Variants in LUC7L observed in about 807,000 individuals in gnomAD.
LUC7L encodes putative RNA-binding protein Luc7-like 1.
A neutral mutation model predicts 51.1 loss-of-function variants in LUC7L; 29 were observed. The ratio of observed to expected loss-of-function variants is 0.57; its 90% CI spans 0.42 to 0.77. LUC7L has a LOEUF of 0.77. LUC7L is among the 30% of genes least tolerant of loss of function. The pLI is 0.00. For missense variants in LUC7L, 403 were observed against 511.9 expected, an observed-to-expected ratio of 0.79 and a Z score of 2.05; for synonymous variants, 181 against 180.7, an observed-to-expected ratio of 1.00 and a Z score of -0.01.
chr16:229,066 C>A, intron 1 of LUC7L: 1 of 1,417,622 alleles, frequency 7.1e-7, no homozygotes, highest in Non-Finnish European at 9.2e-7. Flanking sequence ...ATGGCGCAGA[C>A]TCCGAGAGAG....
intron 6 of LUC7L, among the ~76,000 whole-genome samples, chr16:197,765 C>G (rs1050691780): frequency 6.6e-6 from 1 of 152,248 alleles, no homozygotes; most frequent in Admixed American, 6.5e-5. Flanking sequence ...ACAAAAGGCC[C>G]TCAGCCGTGG....
chr16:192,645 G>A (rs902491688), intron 7 of LUC7L, among the ~76,000 whole-genome samples: 1 of 151,746 alleles, frequency 6.6e-6, no homozygotes, highest in African/African-American at 2.4e-5. Context: ...TAGGATTACA[G>A]GCTCATGCCA....
intron 1 of LUC7L, chr16:228,482 A>T: frequency 1.1e-5 from 14 of 1,247,044 alleles, no homozygotes; most frequent in Non-Finnish European, 1.5e-5. Flanking sequence ...AAAGCAACTC[A>T]ATATACAAAG....
At chr16:199,948 C>A (rs1427839132) in intron 5 of LUC7L, among the ~76,000 whole-genome samples, 2 of 151,270 alleles carry the variant, frequency 1.3e-5, no homozygotes, top group Non-Finnish European at 2.9e-5. Flanking sequence ...CAAAACCGTG[C>A]CACTGCATTC....
chr16:220,650 T>C lies in LUC7L; in HGVS notation c.254A>G (p.Asp85Gly), dbSNP rs1211370224. The change falls in exon 3 of 10, where the codon GAT (aspartate) becomes GGT (glycine). Residue 85 changes from aspartate (D) to glycine (G), a missense_variant and splice_region_variant. By Grantham distance (94) the Asp-to-Gly change is moderately conservative. This residue lies in a region of LUC7L where 182 missense variants were observed against 248.4 expected (regional missense o/e 0.73). Transcript: ENST00000293872. ...SKERDLFFEL[D>G]AMDHLESFIA... Reference sequence around the variant, plus strand: ...AAATCAACATTAAATAAAACTTACATCTAATTCAAAAAACAGGTCTCTTTC... The same window carrying C: ...AAATCAACATTAAATAAAACTTACACCTAATTCAAAAAACAGGTCTCTTTC... 3 of 1,606,380 alleles carry C rather than the reference T, an allele frequency of 1.9e-6. No homozygotes were observed. Among genetic ancestry groups the C allele is most frequent in the African/African-American group, 2.7e-5 (2 of 74,746 alleles).
chr16:224,807 A>G (rs112203455), intron 2 of LUC7L, among the ~76,000 whole-genome samples: 141 of 152,068 alleles, frequency 9.3e-4, no homozygotes, highest in African/African-American at 3.2e-3. Flanking sequence ...ACTCCAGCCT[A>G]GGCAACAGAG....
intron 3 of LUC7L, among the ~76,000 whole-genome samples, chr16:217,962 T>C (rs915751192): frequency 4.0e-5 from 6 of 149,084 alleles, no homozygotes; most frequent in African/African-American, 1.2e-4. Flanking sequence ...GAGAAGGAGG[T>C]TGCAGTGAGC....
At chr16:208,674 A>T in intron 3 of LUC7L, 4 of 972,322 alleles carry the variant, frequency 4.1e-6, no homozygotes, top group Non-Finnish European at 4.9e-6. Context: ...CCTCAAAAAC[A>T]AAACAATAGA....
At chr16:224,491 C>A (rs1450832051) in intron 2 of LUC7L, among the ~76,000 whole-genome samples, 1 of 146,298 alleles carries the variant, frequency 6.8e-6, no homozygotes, top group Admixed American at 7.0e-5. Flanking sequence ...TACATTCCAG[C>A]CTGGGCAACA....
intron 5 of LUC7L, among the ~76,000 whole-genome samples, chr16:204,324 T>C (rs79453034): frequency 6.7e-6 from 1 of 149,406 alleles, no homozygotes; most frequent in African/African-American, 2.4e-5. Context: ...GGGCCGAGCA[T>C]GGTGGCTCAC....
At position 198,943 on chromosome 16, in the gene LUC7L, G is replaced by C. The variant is rs112695754; in HGVS notation, c.687+119C>G. On this transcript the variant is annotated intron_variant, in intron 6 of 9. Transcript: ENST00000293872. ...GATTCGCCCACCTCGGCCTCCCAAAGTGCTGGGATTATAGGCATCAGCCAC... is the reference window on the plus strand; with the variant it reads ...GATTCGCCCACCTCGGCCTCCCAAACTGCTGGGATTATAGGCATCAGCCAC... 138 of 970,446 alleles carry C rather than the reference G, an allele frequency of 1.4e-4. No individual in the cohort carries two copies. The African/African-American group carries it at 2.1e-3, about 15-fold the overall frequency. 60.1% of individuals were successfully genotyped at this position (970,446 alleles called of 1,614,324 possible).
At chr16:206,890 TAA>T (rs67775388) in intron 4 of LUC7L, among the ~76,000 whole-genome samples, 6,220 of 99,544 alleles carry the variant, frequency 0.062, 524 homozygotes, top group African/African-American at 0.22. Context: ...CCATCTTTAT[TAA>T]AAAAAAAAAA....
Position 189,127 on chromosome 16 carries a change from A to G in LUC7L, c.*71T>C. 1.4e-6 allele frequency: 2 copies of G among 1,461,154 alleles called. No individual in the cohort carries two copies. The highest frequency in any genetic ancestry group is 1.3e-5 in the South Asian group (1 of 77,996). 90.5% of individuals were successfully genotyped at this position (1,461,154 alleles called of 1,614,324 possible). ...AAACTACAAAAGATGAGTTGTATTC[A>G]GCAAATATAAAGGGTAATTTTAGAC... On this transcript the variant is annotated 3_prime_UTR_variant, in exon 10 of 10. Coordinates refer to ENST00000293872, the MANE Select transcript of LUC7L (RefSeq NM_201412.3).
rs950112606 is a variant in LUC7L at position 206,127 on chromosome 16, T to C, written c.387A>G (p.Leu129=). Residue 129 remains leucine, a synonymous_variant, in exon 5 of 10, where the codon TTA becomes TTG. Transcript: ENST00000293872. ...CAAGGAGTTTTCCTATTTCTTCATT[T>C]AACTCATGTACTTTTTCTGCCTGTG... is the stretch of plus-strand genomic sequence containing the variant. ...VSAKAEKVHE[L]NEEIGKLLAK... The C allele has an allele frequency of 2.5e-6, 4 of 1,613,314 alleles. No homozygotes were observed. In the East Asian group the frequency reaches 8.9e-5, roughly 36 times the overall value.
At chr16:211,192 C>T (rs951818281) in intron 3 of LUC7L, among the ~76,000 whole-genome samples, 9 of 152,142 alleles carry the variant, frequency 5.9e-5, no homozygotes, top group East Asian at 1.9e-4. Context: ...ATTAGCCAGG[C>T]GTGGTGGCGG....
rs553802508 is a variant in LUC7L at position 227,147 on chromosome 16, CTTAAG to C, written c.156+90_156+94del. The C allele has an allele frequency of 7.4e-5, 73 of 987,298 alleles. 1 individual carries two copies. Among genetic ancestry groups the C allele is most frequent in the South Asian group, 7.0e-4 (48 of 69,006 alleles). 61.2% of individuals were successfully genotyped at this position (987,298 alleles called of 1,614,324 possible). On this transcript the variant is annotated intron_variant, in intron 2 of 9. Coordinates refer to ENST00000293872, the MANE Select transcript of LUC7L (RefSeq NM_201412.3). ...ATTAAGCCACTTAGAGAAAAAGAGA[CTTAAG>C]TTAAAACAAAATTCAACATAGAAAA...
intron 7 of LUC7L, among the ~76,000 whole-genome samples, chr16:192,502 C>CTTTTTTTT (rs398058029): frequency 4.0e-5 from 5 of 125,638 alleles, no homozygotes; most frequent in Admixed American, 1.7e-4. Flanking sequence ...ATGCTGTTTA[C>CTTTTTTTT]TTTTTTTTTT....
In LUC7L at chr16:229,410, A is replaced by G. The variant is rs1245939049; in HGVS notation, c.-71T>C. 1 of 1,354,746 alleles carries G rather than the reference A, an allele frequency of 7.4e-7. No individual in the cohort carries two copies. The highest frequency in any genetic ancestry group is 9.7e-7 in the Non-Finnish European group (1 of 1,025,954). The allele number at this position is 1,354,746 out of a possible 1,614,324, so 83.9% of individuals were successfully genotyped here. A position where few individuals can be genotyped will look rare whatever the true frequency, so the allele number is the denominator to read the frequency against. ...GGCAGGCGGTGGCAGCGGCGTCGACAAACGATGGTCGCGTCGGCCTCGAGC... is the reference window on the plus strand; with the variant it reads ...GGCAGGCGGTGGCAGCGGCGTCGACGAACGATGGTCGCGTCGGCCTCGAGC... On this transcript the variant is annotated 5_prime_UTR_variant, in exon 1 of 10. Coordinates refer to ENST00000293872, the MANE Select transcript of LUC7L (RefSeq NM_201412.3).
At chr16:216,060 G>A (rs1033691949) in intron 3 of LUC7L, among the ~76,000 whole-genome samples, 1 of 151,926 alleles carries the variant, frequency 6.6e-6, no homozygotes, top group Non-Finnish European at 1.5e-5. Flanking sequence ...ACAGTGCAAT[G>A]GCACGATCTT....
Sources: allele counts gnomAD v4.1 joint callset (sites outside exome capture counted in the v4.1 genomes callset), GRCh38; gene constraint gnomAD v4.1.1; regional missense constraint gnomAD v4.1.1; transcripts MANE v1.5; gene names NCBI Gene and HGNC (gene_info 2026-07-23, HGNC 2026-07-21).